Variants in TNS2 observed in about 807,000 individuals in gnomAD.
TNS2 encodes tensin-2.
TNS2 carries 77 observed loss-of-function variants against 155.7 expected under a neutral mutation model. The ratio of observed to expected loss-of-function variants is 0.49; its 90% CI spans 0.41 to 0.60. The LOEUF (loss-of-function observed/expected upper bound fraction) is 0.60. Among genes scored for constraint, TNS2 ranks in the 20% least tolerant of loss-of-function variants. The probability of loss-of-function intolerance (pLI) is 0.00; values close to 1 mark genes in which losing one functional copy is unlikely to be tolerated. For synonymous variants in TNS2, 726 were observed against 763.9 expected, an observed-to-expected ratio of 0.95 and a Z score of 0.82; for missense variants, 1,703 against 1,868.8, an observed-to-expected ratio of 0.91 and a Z score of 1.64.
chr12:53,060,575 ATGCTCGAG>A lies in TNS2; in HGVS notation c.2768+25_2768+32del. 6.2e-7 allele frequency: 1 copy of A among 1,609,202 alleles called. No homozygotes were observed. Among genetic ancestry groups the A allele is most frequent in the African/African-American group, 1.3e-5 (1 of 74,894 alleles). On this transcript the variant is annotated intron_variant, in intron 19 of 28. Coordinates refer to ENST00000314250, the MANE Select transcript of TNS2 (RefSeq NM_170754.4). This position sits in a 1 kb window ranked among gnomAD's most constrained non-coding sequence, Gnocchi z 6.1. ...GGAAAGGTATGCAGAGGGGCCGGGG[ATGCTCGAG>A]TGCTTTCTTGTCCAAGCAGTTGATG...
At chr12:53,057,149 C>T (rs990207172) in intron 11 of TNS2, 53 bp downstream of exon 11, 7 of 1,546,320 alleles carry the variant, frequency 4.5e-6, no homozygotes, top group Non-Finnish European at 6.2e-6. Flanking sequence ...TCATGGCTAC[C>T]AAGGCCAAGA....
Position 53,055,446 on chromosome 12 carries a change from A to G in TNS2, c.574-122A>G, listed in dbSNP as rs1944113789. 12 of 1,316,118 alleles carry G rather than the reference A, an allele frequency of 9.1e-6. No homozygotes were observed. In the South Asian group the frequency reaches 1.3e-4, roughly 14 times the overall value. The allele number at this position is 1,316,118 out of a possible 1,614,324, so 81.5% of individuals were successfully genotyped here. A position where few individuals can be genotyped will look rare whatever the true frequency, so the allele number is the denominator to read the frequency against. The stretch of plus-strand genomic sequence containing the variant: ...GGATAAGGAAAGTGCCGAGGCTATC[A>G]TGGACAACCAGCAGACCCCCAGCCT... On this transcript the variant is annotated intron_variant, in intron 8 of 28. Coordinates refer to ENST00000314250, the MANE Select transcript of TNS2 (RefSeq NM_170754.4).
Position 53,052,799 on chromosome 12 carries a change from G to A in TNS2, c.222+307G>A, listed in dbSNP as rs536941297. 6.0e-5 allele frequency among the ~76,000 whole-genome samples: 9 copies of A among 151,218 alleles called. No individual in the cohort carries two copies. In the East Asian group the frequency reaches 1.8e-3, roughly 30 times the overall value. On this transcript the variant is annotated intron_variant, in intron 3 of 28. Transcript: ENST00000314250. ...GAGGAGAATGAGGAGGAGGAAGGGT[G>A]GGGTGGGTGGGGAGTGGGGGAGCAG...
upstream of TNS2, among the ~76,000 whole-genome samples, chr12:53,047,475 GA>G (rs1414698360): frequency 9.2e-6 from 1 of 108,224 alleles, no homozygotes; most frequent in Non-Finnish European, 2.3e-5. Context: ...GCCGGAGGTC[GA>G]GAGGGCGCGG....
At chr12:53,049,959 G>A (rs752389556), upstream of TNS2, 18 of 1,161,930 alleles carry the variant, frequency 1.5e-5, no homozygotes, top group Admixed American at 8.9e-5. Context: ...CTGATCTCCT[G>A]GCCTCCCCCA....
Position 53,055,710 on chromosome 12 carries a change from TC to T in TNS2, c.696+23del, listed in dbSNP as rs755128436. 6.2e-7 allele frequency: 1 copy of T among 1,614,196 alleles called. No homozygotes were observed. Among genetic ancestry groups the T allele is most frequent in the South Asian group, 1.1e-5 (1 of 91,084 alleles). On this transcript the variant is annotated intron_variant, in intron 9 of 28. Transcript: ENST00000314250. ...TGCAAGGTGGGCCAGGACCTCGGGT[TC>T]CCTGGTGCCTGGAGGTTCCAGGTCA...
rs572624241 is a variant in TNS2, at chr12:53,061,337, C to T, written c.3359-43C>T. 1.9e-6 allele frequency: 3 copies of T among 1,613,020 alleles called. No individual in the cohort carries two copies. The East Asian group carries it at 6.7e-5, about 36-fold the overall frequency. On this transcript the variant is annotated intron_variant, in intron 20 of 28. Coordinates refer to ENST00000314250, the MANE Select transcript of TNS2 (RefSeq NM_170754.4). ...TCCTGGGATGTAGCATGGATGGGGA[C>T]CCGGGTACCCTGGGGTCTGAACCTA...
rs753307908 is a variant in TNS2, at chr12:53,059,830, G to A, written c.2189G>A (p.Arg730Gln). Residue 730 changes from arginine to glutamine, a missense_variant, in exon 18 of 29, where the codon CGG becomes CAG. Physicochemically the swap from Arg to Gln is conservative, Grantham distance 43. Transcript: ENST00000314250. This position sits in a 1 kb window ranked among gnomAD's most constrained non-coding sequence, Gnocchi z 4.7. ...EAGKPLLHPV[R>Q]PGHPLPLLLP... ...GGCAAGCCTCTCCTGCACCCAGTGC[G>A]GCCTGGGCACCCGCTGCCTCTGCTC... The A allele has an allele frequency of 3.8e-5, 61 of 1,612,944 alleles. No homozygotes were observed. Among genetic ancestry groups the A allele is most frequent in the Non-Finnish European group, 4.7e-5 (55 of 1,179,942 alleles).
chr12:53,049,174 G>C (rs767264567), upstream of TNS2: 14 of 1,586,962 alleles, frequency 8.8e-6, no homozygotes, highest in African/African-American at 1.5e-4. Context: ...TGTTGGGAGG[G>C]GGGACCTCCT....
intron 8 of TNS2, 74 bp from the exon 9 acceptor site, chr12:53,055,494 G>A: frequency 6.5e-7 from 1 of 1,532,924 alleles, no homozygotes; most frequent in Non-Finnish European, 8.8e-7. Flanking sequence ...CCTATGCCCT[G>A]TCCCCTTTCC....
At chr12:53,055,917 C>T in intron 10 of TNS2, 72 bp downstream of exon 10, 2 of 1,512,662 alleles carry the variant, frequency 1.3e-6, no homozygotes, top group South Asian at 2.5e-5. Flanking sequence ...AGGAACCCAT[C>T]TCCCCTGGAG....
chr12:53,050,127 C>CG lies in TNS2; in HGVS notation c.-56dup, dbSNP rs1943873363. 4 of 1,582,488 alleles carry CG rather than the reference C, an allele frequency of 2.5e-6. No individual in the cohort carries two copies. The South Asian group carries it at 4.6e-5, about 18-fold the overall frequency. On this transcript the variant is annotated 5_prime_UTR_variant, in exon 1 of 29. Coordinates refer to ENST00000314250, the MANE Select transcript of TNS2 (RefSeq NM_170754.4). The surrounding 1 kb of genome is among the most constrained non-coding windows in gnomAD (Gnocchi z 4.7). ...CCGCCAGGCCGCTTCCAGGAAGCCC[C>CG]GGGCCAGGCCCCAGCATTGTTCAGG... is the stretch of plus-strand genomic sequence containing the variant.
At position 53,054,531 on chromosome 12, in the gene TNS2, G is replaced by A. The variant is rs928414002; in HGVS notation, c.522+90G>A. The A allele has an allele frequency of 1.3e-5, 18 of 1,391,390 alleles. No individual in the cohort carries two copies. In the Admixed American group the frequency reaches 3.1e-4, roughly 24 times the overall value. The allele number at this position is 1,391,390 out of a possible 1,614,324, so 86.2% of individuals were successfully genotyped here. A position where few individuals can be genotyped will look rare whatever the true frequency, so the allele number is the denominator to read the frequency against. On this transcript the variant is annotated intron_variant, in intron 7 of 28. Transcript: ENST00000314250. ...AATCACTGACGTCACCAGCGGAGGC[G>A]AGGCCGCCAGGGGGCGGGACCAGAG...
In TNS2 at chr12:53,053,434, G is replaced by A; in HGVS notation, c.246G>A (p.Leu82=). Residue 82 remains leucine (L), a synonymous_variant, in exon 4 of 29, where the codon TTG becomes TTA. Coordinates refer to ENST00000314250, the MANE Select transcript of TNS2 (RefSeq NM_170754.4). Reference sequence around the variant, plus strand: ...AGGTGACTTCAGCCTGTCAGGCCTTGCCTCCCGTGGAGTTGGTGAGTGCGC... The same window carrying A: ...AGGTGACTTCAGCCTGTCAGGCCTTACCTCCCGTGGAGTTGGTGAGTGCGC... ...EAKVTSACQA[L]PPVELRRNTA... is the part of the protein sequence containing the mutation. 1 of 1,614,054 alleles carries A rather than the reference G, an allele frequency of 6.2e-7. No homozygotes were observed. The highest frequency in any genetic ancestry group is 8.5e-7 in the Non-Finnish European group (1 of 1,179,974).
At chr12:53,053,631 G>T in intron 4 of TNS2, 143 bp from the exon 5 acceptor site, 1 of 1,391,572 alleles carries the variant, frequency 7.2e-7, no homozygotes, top group Non-Finnish European at 9.8e-7. Flanking sequence ...CCTTGGGCCT[G>T]CTGGGGGTAG....
chr12:53,060,083 G>A lies in TNS2; in HGVS notation c.2442G>A (p.Glu814=). ...RVPHSCGSPG[E]GRGYPSPGAH... ...CTCATAGCTGTGGCTCTCCAGGAGA[G>A]GGCAGAGGGTATCCCAGCCCTGGTG... is the stretch of plus-strand genomic sequence containing the variant. Residue 814 remains glutamate (E), a synonymous_variant, in exon 18 of 29, where the codon GAG becomes GAA. Transcript: ENST00000314250. The surrounding 1 kb of genome is among the most constrained non-coding windows in gnomAD (Gnocchi z 6.1). The A allele has an allele frequency of 1.9e-6, 3 of 1,612,282 alleles. No homozygotes were observed. The highest frequency in any genetic ancestry group is 1.7e-4 in the Middle Eastern group (1 of 6,056).
At position 53,055,663 on chromosome 12, in the gene TNS2, A is replaced by G; in HGVS notation, c.669A>G (p.Pro223=). ...KAMETWLSAD[P]QHVVVLYCKG... is the part of the protein sequence containing the mutation. ...TGGAGACATGGCTCAGTGCTGACCC[A>G]CAGCACGTGGTCGTACTATACTGCA... The change falls in exon 9 of 29, where the codon CCA becomes CCG. Residue 223 remains proline (P), a synonymous_variant. Transcript: ENST00000314250. 1.2e-6 allele frequency: 2 copies of G among 1,614,124 alleles called. No homozygotes were observed. The highest frequency in any genetic ancestry group is 8.5e-7 in the Non-Finnish European group (1 of 1,180,042).
At position 53,054,323 on chromosome 12, in the gene TNS2, A is replaced by T. The variant is rs1944049662; in HGVS notation, c.404A>T (p.Tyr135Phe). Residue 135 changes from tyrosine (Y) to phenylalanine (F), a missense_variant, in exon 7 of 29, where the codon TAC becomes TTC. Physicochemically the swap from Tyr to Phe is conservative, Grantham distance 22 (BLOSUM62 3). Coordinates refer to ENST00000314250, the MANE Select transcript of TNS2 (RefSeq NM_170754.4). ...CGGCGCTGGGACTTAGACCTCACCT[A>T]CGTGACGGAGCGCATCTTGGCCGCC... ...MERRWDLDLT[Y>F]VTERILAAAF... 1 of 1,613,098 alleles carries T rather than the reference A, an allele frequency of 6.2e-7. No individual in the cohort carries two copies. Among genetic ancestry groups the T allele is most frequent in the Non-Finnish European group, 8.5e-7 (1 of 1,179,920 alleles).
At chr12:53,053,386 A>C (rs1279117556) in intron 3 of TNS2, 25 bp from the exon 4 acceptor site, 2 of 1,613,760 alleles carry the variant, frequency 1.2e-6, no homozygotes, top group Non-Finnish European at 8.5e-7. Context: ...CCAGGAGCTC[A>C]GTTCCTTACT....
Sources: gnomAD v4.1 joint callset for allele counts (sites outside exome capture counted in the v4.1 genomes callset) on GRCh38, gnomAD v4.1.1 for gene constraint, Gnocchi (gnomAD v3.1) non-coding constraint, MANE v1.5 for transcripts, NCBI Gene and HGNC (gene_info 2026-07-23, HGNC 2026-07-21) for gene names.